TNRC6A: variants seen among roughly 807,000 people sequenced by gnomAD.
The protein encoded by TNRC6A is trinucleotide repeat-containing gene 6A protein.
TNRC6A carries 44 observed loss-of-function variants against 221.2 expected under a neutral mutation model. The observed-to-expected ratio is 0.20, with a 90% CI of 0.16 to 0.26. The LOEUF (loss-of-function observed/expected upper bound fraction) is 0.26, where lower values mean the gene tolerates loss of function less well. Ranked by LOEUF, TNRC6A falls within the 10% of genes least tolerant of loss-of-function variation. TNRC6A has a pLI of 1.00. For synonymous variants in TNRC6A, 847 were observed against 838.5 expected (o/e 1.01, Z -0.18); for missense variants, 2,199 against 2,404.4 (o/e 0.91, Z 1.79).
At chr16:24,625,626 T>C (rs1359026367) in intron 1 of TNRC6A, among the ~76,000 whole-genome samples, 1 of 150,218 alleles carries the variant, frequency 6.7e-6, no homozygotes, top group African/African-American at 2.5e-5. Flanking sequence ...CTCGGGAGGC[T>C]GAGGCAGGAG....
At chr16:24,735,516 G>A (rs1207128484) in intron 2 of TNRC6A, among the ~76,000 whole-genome samples, 2 of 152,140 alleles carry the variant, frequency 1.3e-5, no homozygotes, top group African/African-American at 4.8e-5. Context: ...CATTTTTAAT[G>A]TACCAACCCA....
chr16:24,782,117 C>T (rs753948225), intron 5 of TNRC6A, among the ~76,000 whole-genome samples: 19 of 152,124 alleles, frequency 1.2e-4, no homozygotes, highest in South Asian at 2.1e-4. Context: ...CCACCGCGCC[C>T]GGCCAATTTT....
chr16:24,760,346 C>T (rs755992461), intron 4 of TNRC6A, among the ~76,000 whole-genome samples: 5 of 152,098 alleles, frequency 3.3e-5, no homozygotes, highest in Non-Finnish European at 4.4e-5. Context: ...GTTTCTTCAA[C>T]ATCTTTGAGT....
Position 24,625,737 on chromosome 16 carries a change from CAAAAAAAAAA to C in TNRC6A, n.277-15131_277-15122del, listed in dbSNP as rs749882396. Among the ~76,000 whole-genome samples, 91 of 24,036 alleles carry C rather than the reference CAAAAAAAAAA, an allele frequency of 3.8e-3. 3 individuals are homozygous for C. The highest frequency in any genetic ancestry group is 0.012 in the African/African-American group (81 of 6,750). 15.8% of individuals were successfully genotyped at this position (24,036 alleles called of 152,430 possible). On this transcript the variant is annotated intron_variant and non_coding_transcript_variant, in intron 1 of 2. Coordinates refer to the TNRC6A transcript ENST00000566108. ...GACAGAGCGAGACTCCGTCTCAAAA[CAAAAAAAAAA>C]AAAAAAAAAAAAAAATTAGCTCGGG...
In TNRC6A at chr16:24,789,740, C is replaced by T. The variant is rs1691530970; in HGVS notation, c.1098C>T (p.Asn366=). ...LNPSTLNSAS[N]HGAWPVLENN... is the part of the protein sequence containing the mutation. The stretch of plus-strand genomic sequence containing the variant: ...CAAGCACTTTGAATTCAGCTAGCAA[C>T]CATGGTGCCTGGCCAGTATTAGAGA... Residue 366 remains asparagine (N), a synonymous_variant, in exon 6 of 25, where the codon AAC becomes AAT. Coordinates refer to ENST00000395799, the MANE Select transcript of TNRC6A (RefSeq NM_014494.4). 1.9e-6 allele frequency: 3 copies of T among 1,614,078 alleles called. No homozygotes were observed. Among genetic ancestry groups the T allele is most frequent in the Admixed American group, 1.7e-5 (1 of 60,006 alleles).
chr16:24,753,906 G>A (rs1027754739), intron 3 of TNRC6A, among the ~76,000 whole-genome samples: 1 of 152,154 alleles, frequency 6.6e-6, no homozygotes, highest in Admixed American at 6.5e-5. Context: ...TTTTATCATG[G>A]TGACAGAACC....
At chr16:24,642,494 C>T (rs1017095057) in intron 2 of TNRC6A, among the ~76,000 whole-genome samples, 1 of 152,068 alleles carries the variant, frequency 6.6e-6, no homozygotes, top group African/African-American at 2.4e-5. Flanking sequence ...AGGAAAATGA[C>T]CTCAGAAGTA....
chr16:24,725,127 A>G (rs1000027513), upstream of TNRC6A, among the ~76,000 whole-genome samples: 13 of 152,096 alleles, frequency 8.5e-5, no homozygotes, highest in Admixed American at 6.6e-4. Flanking sequence ...TTCCATTCCT[A>G]ATGGATTGAT....
intron 2 of TNRC6A, among the ~76,000 whole-genome samples, chr16:24,739,107 A>G (rs1465428264): frequency 6.6e-6 from 1 of 152,174 alleles, no homozygotes; most frequent in Non-Finnish European, 1.5e-5. Context: ...ACTGTTTGCA[A>G]AGCAGCTGCA....
chr16:24,794,819 C>T (rs745379932), intron 8 of TNRC6A, 100 bp downstream of exon 8: 27 of 1,146,594 alleles, frequency 2.4e-5, no homozygotes, highest in Admixed American at 6.2e-5. Flanking sequence ...GCGGTCAGTA[C>T]AGTCCAGGCA....
At chr16:24,681,943 C>G (rs2055540405) in intron 2 of TNRC6A, among the ~76,000 whole-genome samples, 1 of 152,184 alleles carries the variant, frequency 6.6e-6, no homozygotes, top group Non-Finnish European at 1.5e-5. Context: ...CTGTATTTAG[C>G]TTGTACTATA....
chr16:24,710,750 C>T (rs1221974762), intron 2 of TNRC6A, among the ~76,000 whole-genome samples: 1 of 149,904 alleles, frequency 6.7e-6, no homozygotes, highest in Non-Finnish European at 1.5e-5. Context: ...GAGATGAAGT[C>T]TCACTCTGTC....
upstream of TNRC6A, chr16:24,729,640 G>C (rs1446163555): frequency 6.6e-5 from 33 of 502,994 alleles, 1 homozygote; most frequent in East Asian, 1.1e-3. Flanking sequence ...GGGTTGCCGA[G>C]TGGGGCATTC....
chr16:24,651,810 T>C (rs1902682531), intron 2 of TNRC6A, among the ~76,000 whole-genome samples: 1 of 151,304 alleles, frequency 6.6e-6, no homozygotes, highest in Non-Finnish European at 1.5e-5. Flanking sequence ...AAAAAGAAAG[T>C]TGTACAATGT....
chr16:24,758,972 A>G (rs562405005), intron 4 of TNRC6A, among the ~76,000 whole-genome samples: 2 of 152,260 alleles, frequency 1.3e-5, no homozygotes, highest in South Asian at 2.1e-4. Flanking sequence ...CTACTTGGTA[A>G]TAAAGGTGTA....
chr16:24,710,929 G>A (rs940904889), intron 2 of TNRC6A, among the ~76,000 whole-genome samples: 1 of 150,862 alleles, frequency 6.6e-6, no homozygotes, highest in Non-Finnish European at 1.5e-5. Flanking sequence ...AGGCTGGAGT[G>A]CAGTGGTGCG....
At chr16:24,629,238 C>T (rs1901203698) in intron 1 of TNRC6A, among the ~76,000 whole-genome samples, 1 of 152,090 alleles carries the variant, frequency 6.6e-6, no homozygotes, top group South Asian at 2.1e-4. Flanking sequence ...AATAAATTTT[C>T]CTTCAGCTTT....
intron 2 of TNRC6A, among the ~76,000 whole-genome samples, chr16:24,657,840 C>CT (rs36039279): frequency 1.0e-4 from 15 of 148,182 alleles, no homozygotes; most frequent in Non-Finnish European, 9.0e-5. Context: ...TTTTATGCCA[C>CT]TTTTTTTTTT....
chr16:24,616,488 A>C (rs1900356941), intron 1 of TNRC6A, among the ~76,000 whole-genome samples: 1 of 152,218 alleles, frequency 6.6e-6, no homozygotes, highest in Non-Finnish European at 1.5e-5. Flanking sequence ...TAAACACAGA[A>C]GCCACGCAAA....
Sources: allele counts gnomAD v4.1 joint callset (sites outside exome capture counted in the v4.1 genomes callset), GRCh38; gene constraint gnomAD v4.1.1; transcripts MANE v1.5; gene names NCBI Gene and HGNC (gene_info 2026-07-23, HGNC 2026-07-21).